Variants in FRMD4B observed in about 807,000 individuals in gnomAD.
The protein encoded by FRMD4B is FERM domain containing 4B.
In FRMD4B, 74 loss-of-function variants were observed where a neutral mutation model predicts 141.5. That is an observed-to-expected ratio of 0.52 (90% confidence interval 0.43 to 0.63). The LOEUF is 0.63. Ranked by LOEUF, FRMD4B falls within the 30% of genes least tolerant of loss-of-function variation. The pLI, the probability that FRMD4B is intolerant of heterozygous loss-of-function variation, is 0.00. For missense variants in FRMD4B, 1,366 were observed against 1,253.4 expected, an observed-to-expected ratio of 1.09 and a Z score of -1.36; for synonymous variants, 506 against 467.9, an observed-to-expected ratio of 1.08 and a Z score of -1.05.
chr3:69,236,669 A>G (rs2093347614), intron 7 of FRMD4B, among the ~76,000 whole-genome samples: 1 of 152,174 alleles, frequency 6.6e-6, no homozygotes, highest in African/African-American at 2.4e-5. Context: ...CTTAAACCAC[A>G]CAAGGTATTC....
chr3:69,426,298 GA>G (rs527620866), intron 2 of FRMD4B, among the ~76,000 whole-genome samples: 164 of 150,988 alleles, frequency 1.1e-3, no homozygotes, highest in Non-Finnish European at 1.8e-3. Flanking sequence ...CATTATTGTG[GA>G]TTTGAAACAA....
chr3:69,216,736 C>T (rs1185324058), intron 10 of FRMD4B, among the ~76,000 whole-genome samples: 1 of 151,928 alleles, frequency 6.6e-6, no homozygotes, highest in Non-Finnish European at 1.5e-5. Flanking sequence ...GGCAATTTCA[C>T]CTCTTAACAA....
intron 1 of FRMD4B, among the ~76,000 whole-genome samples, chr3:69,528,082 C>T (rs1172332598): frequency 6.6e-6 from 1 of 152,162 alleles, no homozygotes; most frequent in African/African-American, 2.4e-5. Context: ...AACCCACAGC[C>T]CATTTAGTCC....
chr3:69,353,159 A>T (rs1039205779), intron 1 of FRMD4B, among the ~76,000 whole-genome samples: 2 of 152,180 alleles, frequency 1.3e-5, no homozygotes, highest in Non-Finnish European at 2.9e-5. Context: ...AAGTGGAATT[A>T]CATACTTCAT....
chr3:69,253,765 A>T (rs1284314495), intron 5 of FRMD4B, among the ~76,000 whole-genome samples: 2 of 152,220 alleles, frequency 1.3e-5, no homozygotes, highest in Non-Finnish European at 2.9e-5. Flanking sequence ...GTACTAATTG[A>T]TTCAGGCAAT....
At chr3:69,265,399 C>A (rs1340571626) in intron 5 of FRMD4B, among the ~76,000 whole-genome samples, 1 of 145,320 alleles carries the variant, frequency 6.9e-6, no homozygotes, top group Non-Finnish European at 1.5e-5. Context: ...TTGTGCAATG[C>A]ACTTTTATTT....
chr3:69,367,103 T>C (rs17005699), intron 1 of FRMD4B, among the ~76,000 whole-genome samples: 26,488 of 152,072 alleles, frequency 0.17, 2,562 homozygotes, highest in African/African-American at 0.24. Flanking sequence ...AGACAAACAC[T>C]TGGAGACACT....
At chr3:69,368,377 ATC>A (rs1168651362) in intron 1 of FRMD4B, among the ~76,000 whole-genome samples, 2 of 152,206 alleles carry the variant, frequency 1.3e-5, no homozygotes, top group South Asian at 2.1e-4. Context: ...CCATTACAAC[ATC>A]TATTAGAACA....
At chr3:69,205,059 C>CAAAAAAAAAAAAAAAAA (rs33955997) in intron 11 of FRMD4B, among the ~76,000 whole-genome samples, 11 of 124,408 alleles carry the variant, frequency 8.8e-5, no homozygotes, top group East Asian at 2.6e-4. Context: ...ATGTTTTTAA[C>CAAAAAAAAAAAAAAAAA]AAAAAAAAAA....
At chr3:69,433,644 C>T (rs1208344603) in intron 1 of FRMD4B, among the ~76,000 whole-genome samples, 1 of 152,208 alleles carries the variant, frequency 6.6e-6, no homozygotes, top group Non-Finnish European at 1.5e-5. Flanking sequence ...TTCCTGATGC[C>T]ATGGAACAAA....
intron 1 of FRMD4B, among the ~76,000 whole-genome samples, chr3:69,437,911 T>C (rs1705285624): frequency 1.5e-5 from 2 of 136,344 alleles, no homozygotes; most frequent in African/African-American, 2.8e-5. Context: ...TATTATTGTA[T>C]AATATATATT....
chr3:69,240,164 A>T (rs931374095), intron 7 of FRMD4B, among the ~76,000 whole-genome samples: 4 of 152,104 alleles, frequency 2.6e-5, no homozygotes, highest in African/African-American at 9.7e-5. Context: ...ACTACAATTT[A>T]AAAAAATTTA....
intron 1 of FRMD4B, among the ~76,000 whole-genome samples, chr3:69,456,679 TA>T (rs1705620521): frequency 6.7e-6 from 1 of 150,248 alleles, no homozygotes. Flanking sequence ...CAACAGACAC[TA>T]ATGAATATTT....
chr3:69,278,778 G>T (rs1007075739), intron 5 of FRMD4B, among the ~76,000 whole-genome samples: 2 of 151,738 alleles, frequency 1.3e-5, no homozygotes, highest in Non-Finnish European at 2.9e-5. Flanking sequence ...TTGTAGAGAC[G>T]GGGTTTCACC....
At chr3:69,480,156 C>T (rs9825092) in intron 1 of FRMD4B, among the ~76,000 whole-genome samples, 29,105 of 151,378 alleles carry the variant, frequency 0.19, 3,207 homozygotes, top group African/African-American at 0.35. Context: ...GTTTGAATTT[C>T]CTCCTGTAGC....
At chr3:69,347,575 G>C (rs530157752) in intron 1 of FRMD4B, among the ~76,000 whole-genome samples, 5 of 152,144 alleles carry the variant, frequency 3.3e-5, no homozygotes, top group Non-Finnish European at 1.5e-5. Context: ...TGACCACATA[G>C]TTGGAAGTAA....
upstream of FRMD4B, among the ~76,000 whole-genome samples, chr3:69,387,730 C>CA (rs1230739938): frequency 2.6e-5 from 4 of 152,212 alleles, no homozygotes; most frequent in African/African-American, 9.6e-5. Context: ...ACGAAGAACA[C>CA]AAAATCTGTC....
At chr3:69,253,183 ATTTTT>A (rs5849890) in intron 5 of FRMD4B, among the ~76,000 whole-genome samples, 51 of 129,880 alleles carry the variant, frequency 3.9e-4, no homozygotes, top group East Asian at 1.4e-3. Context: ...TATGATTCCT[ATTTTT>A]TTTTTTTTTT....
chr3:69,205,447 A>C (rs1575607861), intron 11 of FRMD4B, among the ~76,000 whole-genome samples: 1 of 152,138 alleles, frequency 6.6e-6, no homozygotes, highest in East Asian at 1.9e-4. Flanking sequence ...GGGCTCAAGG[A>C]ATCCTTCCGC....
Sources: allele counts gnomAD v4.1 joint callset (sites outside exome capture counted in the v4.1 genomes callset), GRCh38; gene constraint gnomAD v4.1.1; transcripts MANE v1.5; gene names NCBI Gene and HGNC (gene_info 2026-07-23, HGNC 2026-07-21).